The following ACCS variants were observed in gnomAD, a reference collection of about 807,000 sequenced individuals.
The protein encoded by ACCS is 1-aminocyclopropane-1-carboxylate synthase homolog (inactive), also known as 1-aminocyclopropane-1-carboxylate synthase-like protein 1.
In ACCS, 42 loss-of-function variants were observed where a neutral mutation model predicts 59.8. The ratio of observed to expected loss-of-function variants is 0.70; its 90% CI spans 0.55 to 0.91. The LOEUF is 0.91. Among genes scored for constraint, ACCS ranks in the 40% least tolerant of loss-of-function variants. ACCS has a pLI of 0.00. For synonymous variants in ACCS, 230 were observed against 240.3 expected, an observed-to-expected ratio of 0.96 and a Z score of 0.40; for missense variants, 602 against 630.4, an observed-to-expected ratio of 0.95 and a Z score of 0.48.
At chr11:44,080,760 A>G (rs980666799) in intron 10 of ACCS, 2 of 538,824 alleles carry the variant, frequency 3.7e-6, no homozygotes, top group Admixed American at 6.4e-5. Context: ...CATTTGAGCT[A>G]GGCTCTAGAT....
rs1953320435 is a variant in ACCS, at chr11:44,075,606, G to A, written c.556+14G>A. On this transcript the variant is annotated intron_variant, in intron 6 of 14. Transcript: ENST00000263776. The stretch of plus-strand genomic sequence containing the variant: ...GTGAGGCCGGGGGTAAGTGAGCTCT[G>A]TGGCCTGCCCCGCACTGTGAGCCTC... 1 of 1,613,436 alleles carries A rather than the reference G, an allele frequency of 6.2e-7. No homozygotes were observed. The highest frequency in any genetic ancestry group is 1.3e-5 in the African/African-American group (1 of 74,950).
In ACCS at chr11:44,077,381, G is replaced by A; in HGVS notation, c.654+5G>A. ...TATGTCTACCTGGACAGTGAGGTAA[G>A]AGTCTTGACTTCCTAGGTGGAACCT... On this transcript the variant is annotated splice_donor_5th_base_variant and intron_variant, in intron 7 of 14. Transcript: ENST00000263776. The A allele has an allele frequency of 6.2e-7, 1 of 1,613,960 alleles. No homozygotes were observed. The highest frequency in any genetic ancestry group is 8.5e-7 in the Non-Finnish European group (1 of 1,179,888).
At chr11:44,071,436 C>T in intron 3 of ACCS, 121 bp downstream of exon 3, 1 of 1,136,060 alleles carries the variant, frequency 8.8e-7, no homozygotes, top group Non-Finnish European at 1.3e-6. Flanking sequence ...ATCAGGAGAC[C>T]CGGGTTCCAG....
intron 3 of ACCS, 69 bp downstream of exon 3, chr11:44,071,384 C>A: frequency 6.4e-7 from 1 of 1,556,202 alleles, no homozygotes; most frequent in Non-Finnish European, 8.9e-7. Flanking sequence ...AATGCTTTCC[C>A]AACAGGAGCC....
At chr11:44,074,591 G>A in intron 4 of ACCS, 21 bp from the exon 5 acceptor site, 1 of 1,610,490 alleles carries the variant, frequency 6.2e-7, no homozygotes, top group South Asian at 1.1e-5. Context: ...GGCAAGCACT[G>A]TCTTTTTGTC....
intron 7 of ACCS, chr11:44,077,595 G>C: frequency 1.4e-6 from 2 of 1,436,530 alleles, no homozygotes; most frequent in Non-Finnish European, 1.8e-6. Flanking sequence ...CCAAGAGCCA[G>C]ACCCAGAAAC....
chr11:44,068,081 G>T (rs1952874933), intron 2 of ACCS, among the ~76,000 whole-genome samples, 166 bp downstream of exon 2: 1 of 152,104 alleles, frequency 6.6e-6, no homozygotes, highest in African/African-American at 2.4e-5. Context: ...CCAGTGTACT[G>T]CCTGGATCAG....
rs1427684082 is a variant in ACCS at position 44,083,864 on chromosome 11, A to G, written c.*72A>G. On this transcript the variant is annotated 3_prime_UTR_variant, in exon 15 of 15. Coordinates refer to ENST00000263776, the MANE Select transcript of ACCS (RefSeq NM_032592.4). ...CTGGGGCGTTCTGGGGCTGCAGAAG[A>G]CTGACTGTGGATGTGCCATTTGCCA... 2 of 1,546,186 alleles carry G rather than the reference A, an allele frequency of 1.3e-6. No individual in the cohort carries two copies. Among genetic ancestry groups the G allele is most frequent in the Non-Finnish European group, 1.7e-6 (2 of 1,144,494 alleles).
intron 9 of ACCS, 190 bp downstream of exon 9, chr11:44,078,974 A>T (rs1037574684): frequency 5.8e-5 from 34 of 583,978 alleles, no homozygotes; most frequent in Non-Finnish European, 9.8e-5. Context: ...CACTCTTTAT[A>T]ACAATAGCTA....
intron 9 of ACCS, chr11:44,079,268 A>G (rs575598552): frequency 2.1e-6 from 1 of 474,788 alleles, no homozygotes; most frequent in East Asian, 3.7e-5. Context: ...GCCCTTGTGC[A>G]TGACCTTGCC....
chr11:44,074,549 C>A, intron 4 of ACCS, 63 bp from the exon 5 acceptor site: 1 of 1,284,304 alleles, frequency 7.8e-7, no homozygotes. Flanking sequence ...ACCAGAGGAG[C>A]TTCAGGATGC....
Position 44,066,722 on chromosome 11 carries a change from C to T in ACCS, c.-1+21C>T, listed in dbSNP as rs117086721. ...TGGAGGTGAGCGCTCTTGGGAGAGC[C>T]CAGCCAATTTAAAGAGTACCCCTGA... is the stretch of plus-strand genomic sequence containing the variant. On this transcript the variant is annotated intron_variant, in intron 1 of 14. Transcript: ENST00000263776. The T allele has an allele frequency of 3.1e-3, 477 of 152,338 alleles. 5 individuals are homozygous for T. The East Asian group carries it at 0.032, about 10-fold the overall frequency. The allele number at this position is 152,338 out of a possible 1,614,324, so 9.4% of individuals were successfully genotyped here. A position where few individuals can be genotyped will look rare whatever the true frequency, so the allele number is the denominator to read the frequency against.
chr11:44,076,845 A>G (rs927632545), intron 6 of ACCS, among the ~76,000 whole-genome samples: 3 of 152,248 alleles, frequency 2.0e-5, no homozygotes, highest in Non-Finnish European at 4.4e-5. Flanking sequence ...GGGAGGCCTC[A>G]CAGTCATGGT....
intron 2 of ACCS, among the ~76,000 whole-genome samples, chr11:44,070,827 T>C (rs543677482): frequency 2.6e-5 from 4 of 152,192 alleles, no homozygotes; most frequent in Non-Finnish European, 4.4e-5. Context: ...TAAATGTGTA[T>C]TGAGTCCCAC....
Position 44,075,596 on chromosome 11 carries a change from A to G in ACCS, c.556+4A>G, listed in dbSNP as rs1419518406. The G allele has an allele frequency of 1.9e-6, 3 of 1,613,876 alleles. No individual in the cohort carries two copies. Among genetic ancestry groups the G allele is most frequent in the Admixed American group, 1.7e-5 (1 of 60,020 alleles). On this transcript the variant is annotated splice_donor_region_variant and intron_variant, in intron 6 of 14. Coordinates refer to ENST00000263776, the MANE Select transcript of ACCS (RefSeq NM_032592.4). ...ACGGTGCTGTGTGAGGCCGGGGGTAAGTGAGCTCTGTGGCCTGCCCCGCAC... is the reference window on the plus strand; with the variant it reads ...ACGGTGCTGTGTGAGGCCGGGGGTAGGTGAGCTCTGTGGCCTGCCCCGCAC...
intron 6 of ACCS, among the ~76,000 whole-genome samples, 171 bp from the exon 7 acceptor site, chr11:44,077,108 G>T (rs1334748280): frequency 6.6e-6 from 1 of 152,166 alleles, no homozygotes; most frequent in East Asian, 1.9e-4. Flanking sequence ...ATCAGGGGCT[G>T]ATCTCAGTGG....
intron 12 of ACCS, 97 bp from the exon 13 acceptor site, chr11:44,083,072 G>T: frequency 6.6e-7 from 1 of 1,505,544 alleles, no homozygotes; most frequent in Non-Finnish European, 9.1e-7. Context: ...ACAGCATCCT[G>T]GCAGCTTGTG....
chr11:44,069,903 A>G (rs867096463), intron 2 of ACCS, among the ~76,000 whole-genome samples: 5 of 152,208 alleles, frequency 3.3e-5, no homozygotes, highest in African/African-American at 1.2e-4. Context: ...AGGGGTGTGA[A>G]TACCAGTAGG....
intron 9 of ACCS, chr11:44,079,150 A>G (rs1253432423): frequency 2.8e-6 from 1 of 358,876 alleles, no homozygotes; most frequent in Admixed American, 4.0e-5. Context: ...CCTTACAACA[A>G]TCCTCACAAC....
Sources: allele counts gnomAD v4.1 joint callset (sites outside exome capture counted in the v4.1 genomes callset), GRCh38; gene constraint gnomAD v4.1.1; transcripts MANE v1.5; gene names NCBI Gene and HGNC (gene_info 2026-07-23, HGNC 2026-07-21).